Variants in RASAL2 observed in about 807,000 individuals in gnomAD.
RASAL2 encodes ras GTPase-activating protein nGAP.
Under a neutral mutation model 128.9 loss-of-function variants are expected in RASAL2, and 58 were observed. The ratio of observed to expected loss-of-function variants is 0.45; its 90% CI spans 0.36 to 0.56. The LOEUF is 0.56. Among genes scored for constraint, RASAL2 ranks in the 20% least tolerant of loss-of-function variants. The probability of loss-of-function intolerance (pLI) is 0.00; values close to 1 mark genes in which losing one functional copy is unlikely to be tolerated. For synonymous variants in RASAL2, 561 were observed against 580.8 expected (o/e 0.97, Z 0.49); for missense variants, 1,360 against 1,601.6 (o/e 0.85, Z 2.57).
intron 1 of RASAL2, among the ~76,000 whole-genome samples, chr1:178,267,711 C>T (rs2102158752): frequency 6.7e-6 from 1 of 150,264 alleles, no homozygotes; most frequent in South Asian, 2.1e-4. Flanking sequence ...TGAATTCAAG[C>T]TATTCCCCTG....
intron 3 of RASAL2, among the ~76,000 whole-genome samples, chr1:178,326,919 A>C (rs921287610): frequency 6.6e-6 from 1 of 152,066 alleles, no homozygotes; most frequent in Non-Finnish European, 1.5e-5. Context: ...ACTTTTTATC[A>C]CGTTTTAAGT....
At chr1:178,161,796 G>A (rs1661308106) in intron 1 of RASAL2, among the ~76,000 whole-genome samples, 1 of 151,886 alleles carries the variant, frequency 6.6e-6, no homozygotes, top group East Asian at 1.9e-4. Flanking sequence ...CCTAGTGGGT[G>A]TGAAGTGGCA....
chr1:178,264,566 A>T (rs190777868), intron 1 of RASAL2, among the ~76,000 whole-genome samples: 83 of 152,274 alleles, frequency 5.5e-4, no homozygotes, highest in African/African-American at 1.9e-3. Context: ...AGTACTTACT[A>T]TTATCAGTTT....
chr1:178,301,972 A>C (rs1267676014), intron 3 of RASAL2, among the ~76,000 whole-genome samples: 1 of 152,222 alleles, frequency 6.6e-6, no homozygotes. Context: ...GTGCTTAACA[A>C]GAAGTCCAGT....
intron 3 of RASAL2, among the ~76,000 whole-genome samples, chr1:178,309,319 C>A (rs1040874395): frequency 1.3e-5 from 2 of 152,062 alleles, no homozygotes; most frequent in Non-Finnish European, 2.9e-5. Context: ...TAAGAAAGCT[C>A]ACATTAAAAC....
intron 1 of RASAL2, among the ~76,000 whole-genome samples, chr1:178,221,440 C>T (rs1223758670): frequency 6.6e-6 from 1 of 152,010 alleles, no homozygotes; most frequent in Non-Finnish European, 1.5e-5. Context: ...TCACTGCATC[C>T]CACAAATTCT....
intron 1 of RASAL2, among the ~76,000 whole-genome samples, chr1:178,237,578 G>C (rs941690146): frequency 6.6e-6 from 1 of 152,128 alleles, no homozygotes; most frequent in Non-Finnish European, 1.5e-5. Context: ...CAATGTGGTG[G>C]TAACTTTAAT....
At chr1:178,314,597 C>A (rs549780093) in intron 3 of RASAL2, among the ~76,000 whole-genome samples, 133 of 138,902 alleles carry the variant, frequency 9.6e-4, no homozygotes, top group Non-Finnish European at 1.7e-3. Flanking sequence ...CTTTTTCCCC[C>A]AAAATATTGG....
At chr1:178,380,759 C>T (rs186894299) in intron 3 of RASAL2, among the ~76,000 whole-genome samples, 7 of 152,108 alleles carry the variant, frequency 4.6e-5, no homozygotes, top group Admixed American at 2.0e-4. Context: ...AGAATTCTAC[C>T]GGTTAAAATT....
chr1:178,145,529 G>A (rs1660702092), intron 1 of RASAL2, among the ~76,000 whole-genome samples: 1 of 116,690 alleles, frequency 8.6e-6, no homozygotes, highest in Non-Finnish European at 1.6e-5. Flanking sequence ...GCAGGATTAT[G>A]TTAGGGCCCA....
intron 16 of RASAL2, among the ~76,000 whole-genome samples, chr1:178,466,769 C>G (rs188476201): frequency 2.7e-4 from 41 of 152,260 alleles, no homozygotes; most frequent in Non-Finnish European, 4.0e-4. Flanking sequence ...ACCTCTATGC[C>G]TCAATATTTG....
chr1:178,154,172 G>C (rs946822339), intron 1 of RASAL2, among the ~76,000 whole-genome samples: 1 of 150,992 alleles, frequency 6.6e-6, no homozygotes, highest in Non-Finnish European at 1.5e-5. Flanking sequence ...AAAGAGATGG[G>C]GTCTTGCTCT....
At chr1:178,454,222 T>C (rs60666975) in intron 11 of RASAL2, among the ~76,000 whole-genome samples, 10,055 of 149,854 alleles carry the variant, frequency 0.067, 1,101 homozygotes, top group African/African-American at 0.23. Flanking sequence ...AAAAGGAGTT[T>C]TGGCTTTACC....
chr1:178,421,119 A>G (rs114030911), intron 5 of RASAL2, among the ~76,000 whole-genome samples: 3,580 of 148,818 alleles, frequency 0.024, 64 homozygotes, highest in Middle Eastern at 0.062. Flanking sequence ...CAGCTAGTAA[A>G]TAGCAAAAAT....
At chr1:178,324,541 A>G (rs927974786) in intron 3 of RASAL2, among the ~76,000 whole-genome samples, 2 of 152,206 alleles carry the variant, frequency 1.3e-5, no homozygotes, top group Admixed American at 6.5e-5. Context: ...AAGTATAGTC[A>G]TAATTCACCA....
chr1:178,359,620 G>T (rs1336876630), intron 3 of RASAL2, among the ~76,000 whole-genome samples: 2 of 152,072 alleles, frequency 1.3e-5, no homozygotes, highest in African/African-American at 4.8e-5. Flanking sequence ...AAAACTTGGG[G>T]TCTCTCTTCA....
chr1:178,172,042 C>T (rs903180981), intron 1 of RASAL2, among the ~76,000 whole-genome samples: 1 of 151,576 alleles, frequency 6.6e-6, no homozygotes, highest in Non-Finnish European at 1.5e-5. Context: ...ATTGATAGTC[C>T]TTTTCAAACC....
chr1:178,271,163 C>T (rs759245455), intron 1 of RASAL2, among the ~76,000 whole-genome samples: 2 of 152,178 alleles, frequency 1.3e-5, no homozygotes, highest in African/African-American at 4.8e-5. Flanking sequence ...TGAGAGCTAC[C>T]TAGTACTGGC....
At chr1:178,250,089 G>C in intron 1 of RASAL2, among the ~76,000 whole-genome samples, 1 of 152,194 alleles carries the variant, frequency 6.6e-6, no homozygotes, top group East Asian at 1.9e-4. Context: ...TGAGTATTGT[G>C]CTGGAAGGGC....
Sources: gnomAD v4.1 joint callset for allele counts (sites outside exome capture counted in the v4.1 genomes callset) on GRCh38, gnomAD v4.1.1 for gene constraint, MANE v1.5 for transcripts, NCBI Gene and HGNC (gene_info 2026-07-23, HGNC 2026-07-21) for gene names.